Variants in TUT4 observed in about 807,000 individuals in gnomAD.
TUT4 encodes terminal uridylyltransferase 4.
In TUT4, 36 loss-of-function variants were observed where a neutral mutation model predicts 192.2. That is an observed-to-expected ratio of 0.19 (90% CI 0.14 to 0.25). The LOEUF (loss-of-function observed/expected upper bound fraction) is 0.25. Ranked by LOEUF, TUT4 falls within the 10% of genes least tolerant of loss-of-function variation. The pLI, the probability that TUT4 is intolerant of heterozygous loss-of-function variation, is 1.00. For synonymous variants in TUT4, 618 were observed against 666.0 expected, an observed-to-expected ratio of 0.93 and a Z score of 1.11; for missense variants, 1,493 against 1,957.2, an observed-to-expected ratio of 0.76 and a Z score of 4.47.
At chr1:52,431,777 T>C in intron 27 of TUT4, 1 of 180,996 alleles carries the variant, frequency 5.5e-6, no homozygotes, top group South Asian at 1.4e-4. Flanking sequence ...CAAGTATTTA[T>C]TGTGTCAATT....
At chr1:52,467,528 CA>C (rs1664555217) in intron 15 of TUT4, among the ~76,000 whole-genome samples, 1 of 152,160 alleles carries the variant, frequency 6.6e-6, no homozygotes, top group Non-Finnish European at 1.5e-5. Flanking sequence ...TGGACTCACA[CA>C]ACAGCCTCCT....
chr1:52,473,608 C>T (rs542054109), intron 13 of TUT4, among the ~76,000 whole-genome samples: 1 of 152,110 alleles, frequency 6.6e-6, no homozygotes, highest in Non-Finnish European at 1.5e-5. Context: ...AAAAAACAGG[C>T]AATACTATTT....
At chr1:52,492,259 C>T (rs1315151175) in intron 7 of TUT4, among the ~76,000 whole-genome samples, 1 of 151,908 alleles carries the variant, frequency 6.6e-6, no homozygotes, top group East Asian at 1.9e-4. Flanking sequence ...CAATGGCCAA[C>T]AGGAAACTGA....
In TUT4 at chr1:52,526,247, G is replaced by T; in HGVS notation, c.34C>A (p.His12Asn). ...CAAATAACATTCTTCTTTGGTTCAT[G>T]ATTTTCACTTTTTAAGGTTTTAGAC... is the stretch of plus-strand genomic sequence containing the variant. ...EESKTLKSEN[H>N]EPKKNVICEE... The change falls in exon 2 of 30, where the codon CAT becomes AAT. Residue 12 changes from histidine (H) to asparagine (N), a missense_variant. Coordinates refer to ENST00000257177, the MANE Select transcript of TUT4 (RefSeq NM_001009881.3). 1.3e-6 allele frequency: 2 copies of T among 1,578,624 alleles called. No individual in the cohort carries two copies. The highest frequency in any genetic ancestry group is 1.7e-6 in the Non-Finnish European group (2 of 1,170,330).
At chr1:52,485,183 T>C (rs1413550708) in intron 9 of TUT4, among the ~76,000 whole-genome samples, 1 of 152,216 alleles carries the variant, frequency 6.6e-6, no homozygotes, top group African/African-American at 2.4e-5. Flanking sequence ...TTTCTTCTTA[T>C]ATCTTTGTTA....
At chr1:52,517,295 A>G (rs1469304495) in intron 2 of TUT4, among the ~76,000 whole-genome samples, 1 of 152,234 alleles carries the variant, frequency 6.6e-6, no homozygotes, top group Non-Finnish European at 1.5e-5. Flanking sequence ...AGATTTTAAT[A>G]CAATGCCTAG....
At chr1:52,509,747 A>G in intron 3 of TUT4, 35 bp from the exon 4 acceptor site, 1 of 1,207,140 alleles carries the variant, frequency 8.3e-7, no homozygotes, top group Non-Finnish European at 1.2e-6. Flanking sequence ...CACTTTATTC[A>G]GAAAACAGAG....
At chr1:52,493,394 T>C (rs1039190146) in intron 7 of TUT4, among the ~76,000 whole-genome samples, 2 of 151,958 alleles carry the variant, frequency 1.3e-5, no homozygotes, top group African/African-American at 4.8e-5. Flanking sequence ...ACATATCAAT[T>C]TTAATATGGC....
chr1:52,503,456 TTGA>T, intron 4 of TUT4, among the ~76,000 whole-genome samples: 1 of 152,232 alleles, frequency 6.6e-6, no homozygotes, highest in Non-Finnish European at 1.5e-5. Flanking sequence ...TTCCTGAAAG[TTGA>T]GTCTATTCTC....
At chr1:52,460,176 A>C (rs1199934510) in intron 19 of TUT4, among the ~76,000 whole-genome samples, 1 of 152,174 alleles carries the variant, frequency 6.6e-6, no homozygotes, top group Non-Finnish European at 1.5e-5. Flanking sequence ...TTGTCTAGAA[A>C]GACATGTACA....
intron 28 of TUT4, 91 bp downstream of exon 28, chr1:52,430,922 T>C (rs1651865465): frequency 7.1e-7 from 1 of 1,402,972 alleles, no homozygotes; most frequent in African/African-American, 1.4e-5. Flanking sequence ...CCACAAATAC[T>C]GCTTTCCTTC....
At chr1:52,503,406 A>G (rs2149243842) in intron 4 of TUT4, among the ~76,000 whole-genome samples, 1 of 152,224 alleles carries the variant, frequency 6.6e-6, no homozygotes, top group African/African-American at 2.4e-5. Flanking sequence ...GTGCCAGTCT[A>G]GCTACTACCA....
At chr1:52,473,789 G>A (rs1165887057) in intron 13 of TUT4, among the ~76,000 whole-genome samples, 1 of 151,774 alleles carries the variant, frequency 6.6e-6, no homozygotes, top group Non-Finnish European at 1.5e-5. Flanking sequence ...GCAATTATCT[G>A]GAATGCACTT....
At chr1:52,474,508 T>C (rs1012272817) in intron 13 of TUT4, among the ~76,000 whole-genome samples, 1 of 152,068 alleles carries the variant, frequency 6.6e-6, no homozygotes, top group East Asian at 1.9e-4. Context: ...GTGGCTTTTG[T>C]TGGGGAAAAA....
chr1:52,471,432 C>T (rs569152827), intron 14 of TUT4, among the ~76,000 whole-genome samples: 10 of 152,346 alleles, frequency 6.6e-5, no homozygotes, highest in Admixed American at 5.2e-4. Flanking sequence ...TGTGTTTACA[C>T]TGCGTTTTGT....
At chr1:52,466,560 C>T (rs2148772539) in intron 15 of TUT4, among the ~76,000 whole-genome samples, 1 of 150,360 alleles carries the variant, frequency 6.7e-6, no homozygotes, top group South Asian at 2.1e-4. Context: ...ATCGCTTGAG[C>T]CTCAGAGGTC....
intron 24 of TUT4, among the ~76,000 whole-genome samples, chr1:52,442,884 T>C (rs1286220286): frequency 6.6e-6 from 1 of 152,224 alleles, no homozygotes; most frequent in Non-Finnish European, 1.5e-5. Context: ...TTGACATCTA[T>C]ATGTAATTAT....
chr1:52,549,212 C>T (rs1236472318), intron 1 of TUT4, among the ~76,000 whole-genome samples: 3 of 152,182 alleles, frequency 2.0e-5, no homozygotes, highest in African/African-American at 7.2e-5. Context: ...CTAATCACAG[C>T]TCAACCACTA....
chr1:52,489,084 C>A lies in TUT4; in HGVS notation c.1389-49G>T, dbSNP rs758570100. 10 of 1,527,382 alleles carry A rather than the reference C, an allele frequency of 6.5e-6. No homozygotes were observed. In the South Asian group the frequency reaches 1.0e-4, roughly 16 times the overall value. The allele number at this position is 1,527,382 out of a possible 1,614,324, so 94.6% of individuals were successfully genotyped here. A position where few individuals can be genotyped will look rare whatever the true frequency, so the allele number is the denominator to read the frequency against. On this transcript the variant is annotated intron_variant, in intron 8 of 29. Transcript: ENST00000257177. ...TTCATTGTATTAATACCCTTAAAAG[C>A]AGAATACTTCAAATCCTGTGGCTAT...
Sources: gnomAD v4.1 joint callset for allele counts (sites outside exome capture counted in the v4.1 genomes callset) on GRCh38, gnomAD v4.1.1 for gene constraint, MANE v1.5 for transcripts, NCBI Gene and HGNC (gene_info 2026-07-23, HGNC 2026-07-21) for gene names.